PADI2: variants seen among roughly 807,000 people sequenced by gnomAD.
PADI2 encodes peptidyl arginine deiminase 2, also known as protein-arginine deiminase type-2.
Under a neutral mutation model 81.1 loss-of-function variants are expected in PADI2, and 70 were observed. The ratio of observed to expected loss-of-function variants is 0.86; its 90% CI spans 0.71 to 1.05. The LOEUF (loss-of-function observed/expected upper bound fraction) is 1.05. Among genes scored for constraint, PADI2 ranks in the 50% least tolerant of loss-of-function variants. PADI2 has a pLI of 0.00. For missense variants in PADI2, 853 were observed against 889.9 expected, an observed-to-expected ratio of 0.96 and a Z score of 0.53; for synonymous variants, 338 against 358.0, an observed-to-expected ratio of 0.94 and a Z score of 0.63.
Position 17,086,632 on chromosome 1 carries a change from G to C in PADI2, c.723C>G (p.Tyr241Ter). 6.2e-7 allele frequency: 1 copy of C among 1,614,090 alleles called. No individual in the cohort carries two copies. The highest frequency in any genetic ancestry group is 1.1e-5 in the South Asian group (1 of 91,082). ...GRRKLYHVVK[Y>*]TGGSAELLFF... is the part of the protein sequence containing the mutation. ...ACAGCAGCTCCGCGGAGCCACCCGT[G>C]TACTTGACCACATGGTAGAGCTTCC... The change falls in exon 7 of 16, where the codon TAC becomes TAG. Residue 241 changes from tyrosine to a stop codon, truncating the protein, a stop_gained. Coordinates refer to ENST00000375486, the MANE Select transcript of PADI2 (RefSeq NM_007365.3). LOFTEE classifies it high-confidence loss of function.
chr1:17,113,104 G>A (rs548804566), intron 1 of PADI2, among the ~76,000 whole-genome samples: 1 of 152,130 alleles, frequency 6.6e-6, no homozygotes, highest in African/African-American at 2.4e-5. Context: ...TCCATTTATT[G>A]GTGTCTCAAA....
At chr1:17,109,040 G>C (rs1214206227) in intron 1 of PADI2, among the ~76,000 whole-genome samples, 1 of 152,120 alleles carries the variant, frequency 6.6e-6, no homozygotes, top group Non-Finnish European at 1.5e-5. Context: ...GCTGAGTCCA[G>C]AGAGTGCAGA....
chr1:17,095,403 A>G (rs1930878686), intron 4 of PADI2, among the ~76,000 whole-genome samples: 1 of 152,124 alleles, frequency 6.6e-6, no homozygotes, highest in Non-Finnish European at 1.5e-5. Context: ...GGGGAATGCA[A>G]GATAAAAGAA....
At chr1:17,084,533 T>C in intron 8 of PADI2, 66 bp downstream of exon 8, 1 of 926,016 alleles carries the variant, frequency 1.1e-6, no homozygotes, top group Non-Finnish European at 1.7e-6. Context: ...ACTAGACTCA[T>C]GTCCATCTGA....
Position 17,069,018 on chromosome 1 carries a change from A to T in PADI2, c.*26T>A. 1 of 1,534,672 alleles carries T rather than the reference A, an allele frequency of 6.5e-7. No individual in the cohort carries two copies. Among genetic ancestry groups the T allele is most frequent in the South Asian group, 1.1e-5 (1 of 89,406 alleles). ...GAGGGTCTGGAGAACTAAGCGAAGG[A>T]GGCAAACGCCAGGGCCCCTGGCAGG... On this transcript the variant is annotated 3_prime_UTR_variant, in exon 16 of 16. Transcript: ENST00000375486.
intron 11 of PADI2, among the ~76,000 whole-genome samples, chr1:17,077,439 C>G (rs913399990): frequency 1.3e-5 from 2 of 152,140 alleles, no homozygotes; most frequent in Non-Finnish European, 2.9e-5. Context: ...AAGGGCCGCC[C>G]CTGAGCTCCT....
Position 17,079,391 on chromosome 1 carries a change from G to C in PADI2, c.1183C>G (p.Arg395Gly). The change falls in exon 11 of 16, where the codon CGG becomes GGG. Residue 395 changes from arginine to glycine, a missense_variant. By Grantham distance (125) the Arg-to-Gly change is moderately radical. Coordinates refer to ENST00000375486, the MANE Select transcript of PADI2 (RefSeq NM_007365.3). The stretch of plus-strand genomic sequence containing the variant: ...GTGACAGACTCAAAGAGGGGCTCCC[G>C]GGTCACGTAGCCAAAATCTGGGCCC... ...LLGPDFGYVT[R>G]EPLFESVTSL... The C allele has an allele frequency of 1.2e-6, 2 of 1,613,956 alleles. No individual in the cohort carries two copies. Among genetic ancestry groups the C allele is most frequent in the Non-Finnish European group, 8.5e-7 (1 of 1,179,892 alleles).
chr1:17,077,660 T>A (rs538203399), intron 11 of PADI2, among the ~76,000 whole-genome samples: 3 of 152,188 alleles, frequency 2.0e-5, no homozygotes, highest in Non-Finnish European at 4.4e-5. Flanking sequence ...GCTGAGTGAA[T>A]GAGTGGCCAC....
chr1:17,074,900 CG>C lies in PADI2; in HGVS notation c.1504del (p.Arg502GlufsTer20). Reference protein sequence around the residue: ...ASTSACYKLFREKQKDGHGEA... With the variant: ...ASTSACYKLFXEKQKDGHGEA... ...TCCATGGCCGTCCTTCTGCTTCTCTCGGAAGAGCTTGTAGCAGGCCGAGGTG... is the reference window on the plus strand; with the variant it reads ...TCCATGGCCGTCCTTCTGCTTCTCTCGAAGAGCTTGTAGCAGGCCGAGGTG... On this transcript the variant is annotated frameshift_variant, in exon 13 of 16. Transcript: ENST00000375486. LOFTEE classifies it high-confidence loss of function. 1 of 1,613,340 alleles carries C rather than the reference CG, an allele frequency of 6.2e-7. No homozygotes were observed. Among genetic ancestry groups the C allele is most frequent in the Non-Finnish European group, 8.5e-7 (1 of 1,179,686 alleles).
At chr1:17,108,616 C>T (rs562577298) in intron 1 of PADI2, among the ~76,000 whole-genome samples, 14 of 152,064 alleles carry the variant, frequency 9.2e-5, no homozygotes, top group Non-Finnish European at 1.2e-4. Flanking sequence ...GTGAGTCGGA[C>T]GGAAGGTAAG....
At chr1:17,114,604 T>C (rs1432193017) in intron 1 of PADI2, among the ~76,000 whole-genome samples, 2 of 145,294 alleles carry the variant, frequency 1.4e-5, no homozygotes, top group Non-Finnish European at 2.9e-5. Context: ...AAATAAGTGT[T>C]CAATAAATGT....
At chr1:17,100,904 C>T (rs945605234) in intron 3 of PADI2, among the ~76,000 whole-genome samples, 1 of 152,084 alleles carries the variant, frequency 6.6e-6, no homozygotes, top group Non-Finnish European at 1.5e-5. Context: ...TCATGATCTG[C>T]CCACCTTGGC....
intron 11 of PADI2, chr1:17,078,933 C>T (rs9435753): frequency 0.55 from 94,378 of 171,166 alleles, 26,354 homozygotes; most frequent in Non-Finnish European, 0.58. Context: ...TGGACTCAAG[C>T]GATCTGCCCA....
At chr1:17,108,392 G>A (rs1313916230) in intron 1 of PADI2, among the ~76,000 whole-genome samples, 3 of 152,144 alleles carry the variant, frequency 2.0e-5, no homozygotes, top group South Asian at 2.1e-4. Context: ...TAGTCCCTAC[G>A]CCTCAGGAGG....
Position 17,075,819 on chromosome 1 carries a change from C to T in PADI2, c.1315G>A (p.Gly439Ser). 5 of 1,613,594 alleles carry T rather than the reference C, an allele frequency of 3.1e-6. No individual in the cohort carries two copies. Among genetic ancestry groups the T allele is most frequent in the Non-Finnish European group, 4.2e-6 (5 of 1,179,806 alleles). ...ACCACCTTGGTCATCCTCCGACCAC[C>T]AGACCTGGAGAAGGGAGGAAGAGGA... ...ILIGSSFPLS[G>S]GRRMTKVVRD... Residue 439 changes from glycine to serine, a missense_variant, in exon 12 of 16, where the codon GGT becomes AGT. By Grantham distance (56) the Gly-to-Ser change is moderately conservative. Coordinates refer to ENST00000375486, the MANE Select transcript of PADI2 (RefSeq NM_007365.3).
intron 3 of PADI2, among the ~76,000 whole-genome samples, chr1:17,102,417 G>A (rs1931175017): frequency 6.6e-6 from 1 of 152,140 alleles, no homozygotes; most frequent in African/African-American, 2.4e-5. Context: ...ATAATTCTGG[G>A]TTCTGGACTC....
chr1:17,095,839 C>T, intron 4 of PADI2, 70 bp downstream of exon 4: 1 of 1,229,872 alleles, frequency 8.1e-7, no homozygotes, highest in Non-Finnish European at 1.2e-6. Flanking sequence ...TGGGAATTGC[C>T]TGCGGGATCT....
chr1:17,094,028 G>A (rs568605273), intron 4 of PADI2, among the ~76,000 whole-genome samples: 1 of 152,220 alleles, frequency 6.6e-6, no homozygotes, highest in East Asian at 1.9e-4. Flanking sequence ...GGTCCCTAGG[G>A]GAGCTCAGGA....
chr1:17,112,164 A>G (rs746676253), intron 1 of PADI2, among the ~76,000 whole-genome samples: 22 of 152,046 alleles, frequency 1.4e-4, no homozygotes, highest in Non-Finnish European at 2.6e-4. Context: ...GTGAGCGATT[A>G]TGGTGTCTTG....
Sources: gnomAD v4.1 joint callset for allele counts (sites outside exome capture counted in the v4.1 genomes callset) on GRCh38, gnomAD v4.1.1 for gene constraint, MANE v1.5 for transcripts, NCBI Gene and HGNC (gene_info 2026-07-23, HGNC 2026-07-21) for gene names.